Variants in GPHN observed in about 807,000 individuals in gnomAD.
GPHN encodes gephyrin.
Under a neutral mutation model 95.5 loss-of-function variants are expected in GPHN, and 17 were observed. That is an observed-to-expected ratio of 0.18 (90% CI 0.12 to 0.27). The LOEUF (loss-of-function observed/expected upper bound fraction) is 0.27. Ranked by LOEUF, GPHN falls within the 10% of genes least tolerant of loss-of-function variation. The probability of loss-of-function intolerance (pLI) is 1.00; values close to 1 mark genes in which losing one functional copy is unlikely to be tolerated. For synonymous variants in GPHN, 320 were observed against 322.5 expected (o/e 0.99, Z 0.08); for missense variants, 660 against 978.1 (o/e 0.67, Z 4.34).
At chr14:66,545,377 C>T (rs1323474685) in intron 1 of GPHN, among the ~76,000 whole-genome samples, 23 of 137,700 alleles carry the variant, frequency 1.7e-4, no homozygotes, top group African/African-American at 4.3e-4. Flanking sequence ...ACTGGCCAGG[C>T]GGGGGGCTGA....
intron 12 of GPHN, among the ~76,000 whole-genome samples, chr14:67,091,105 T>C (rs1467690521): frequency 6.6e-6 from 1 of 151,970 alleles, no homozygotes; most frequent in Non-Finnish European, 1.5e-5. Context: ...TCATTTTCTG[T>C]GTAAATAAAA....
At chr14:67,485,277 C>G in the GPHN span, among the ~76,000 whole-genome samples, 1 of 152,198 alleles carries the variant, frequency 6.6e-6, no homozygotes, top group Admixed American at 6.5e-5. Context: ...CCCCAACTCC[C>G]CTCCTACAGT....
At chr14:67,331,219 A>G in the GPHN span, among the ~76,000 whole-genome samples, 1 of 151,794 alleles carries the variant, frequency 6.6e-6, no homozygotes, top group Non-Finnish European at 1.5e-5. Flanking sequence ...TATTTTTTGT[A>G]TTTTTAATAG....
the GPHN span, among the ~76,000 whole-genome samples, chr14:67,656,060 A>C: frequency 6.6e-5 from 10 of 152,178 alleles, no homozygotes; most frequent in Admixed American, 1.3e-4. Flanking sequence ...AGCCTGGCCA[A>C]CATGGCGAAA....
intron 10 of GPHN, among the ~76,000 whole-genome samples, chr14:67,054,726 T>C (rs769555690): frequency 2.0e-5 from 3 of 151,952 alleles, no homozygotes; most frequent in Non-Finnish European, 2.9e-5. Flanking sequence ...GTAACCAAAA[T>C]AGATGGTAGT....
chr14:67,702,947 G>A, the GPHN span, among the ~76,000 whole-genome samples: 1 of 152,072 alleles, frequency 6.6e-6, no homozygotes, highest in Admixed American at 6.5e-5. Context: ...CTGAGTACCT[G>A]GGACTACAGG....
rs570719516 is a variant in GPHN at position 66,817,063 on chromosome 14, C to T, written c.202-7411C>T. On this transcript the variant is annotated intron_variant, in intron 3 of 22. Transcript: ENST00000478722. ...TATTTATAAATACATGTAGTATTTC[C>T]GAAAGTTTTCTTAAAAAGGGTATAC... 1.1e-4 allele frequency among the ~76,000 whole-genome samples: 17 copies of T among 151,856 alleles called. No homozygotes were observed. The South Asian group carries it at 2.5e-3, about 22-fold the overall frequency.
At chr14:66,698,361 A>G (rs1316354366) in intron 2 of GPHN, among the ~76,000 whole-genome samples, 1 of 152,192 alleles carries the variant, frequency 6.6e-6, no homozygotes, top group Non-Finnish European at 1.5e-5. Flanking sequence ...GTGAAATTAC[A>G]GAATTCATAG....
At chr14:66,833,993 G>A (rs2061688766) in intron 4 of GPHN, among the ~76,000 whole-genome samples, 2 of 152,072 alleles carry the variant, frequency 1.3e-5, no homozygotes, top group African/African-American at 2.4e-5. Context: ...CATCATTCCA[G>A]CCTGAACATT....
chr14:67,431,715 C>T, the GPHN span, among the ~76,000 whole-genome samples: 1 of 151,972 alleles, frequency 6.6e-6, no homozygotes. Flanking sequence ...GCAGCAGCAG[C>T]AGACCAAAAC....
chr14:66,784,042 C>A (rs2059692146), intron 3 of GPHN, among the ~76,000 whole-genome samples: 1 of 152,082 alleles, frequency 6.6e-6, no homozygotes, highest in Non-Finnish European at 1.5e-5. Context: ...TCTACAGACA[C>A]CAACACAAAG....
the GPHN span, among the ~76,000 whole-genome samples, chr14:67,689,450 G>GCTTT: frequency 1.3e-5 from 2 of 152,084 alleles, no homozygotes; most frequent in African/African-American, 4.8e-5. Flanking sequence ...CTTATTTGAT[G>GCTTT]CTTTGCAAGG....
chr14:67,551,021 T>A, the GPHN span, among the ~76,000 whole-genome samples: 9 of 152,332 alleles, frequency 5.9e-5, 1 homozygote, highest in African/African-American at 2.2e-4. Flanking sequence ...AGCCTAAATA[T>A]CCTACATGTA....
intron 9 of GPHN, among the ~76,000 whole-genome samples, chr14:66,995,918 C>T (rs1007393888): frequency 1.3e-5 from 2 of 152,138 alleles, no homozygotes; most frequent in Non-Finnish European, 2.9e-5. Context: ...AGGATCTTCT[C>T]AGCAAGATCA....
chr14:67,313,635 ATAGAG>A, the GPHN span, among the ~76,000 whole-genome samples: 1 of 152,198 alleles, frequency 6.6e-6, no homozygotes, highest in African/African-American at 2.4e-5. Flanking sequence ...AAATAGGGAT[ATAGAG>A]TAAAGGGATA....
intron 8 of GPHN, among the ~76,000 whole-genome samples, chr14:66,963,394 C>T (rs1450538839): frequency 6.6e-6 from 1 of 151,998 alleles, no homozygotes; most frequent in Non-Finnish European, 1.5e-5. Flanking sequence ...GCAGTTGCTT[C>T]ATTAGATATT....
the GPHN span, chr14:67,582,184 C>T: frequency 6.2e-7 from 1 of 1,613,630 alleles, no homozygotes; most frequent in South Asian, 1.1e-5. This position sits in a 1 kb window ranked among gnomAD's most constrained non-coding sequence, Gnocchi z 5.0. Context: ...GGAATTGGCT[C>T]TTGAGATGGC....
chr14:67,365,219 A>G, the GPHN span, among the ~76,000 whole-genome samples: 1 of 152,248 alleles, frequency 6.6e-6, no homozygotes, highest in Non-Finnish European at 1.5e-5. Context: ...CTAGGATTTT[A>G]TGGATCAGAT....
chr14:67,358,322 T>TA, the GPHN span, among the ~76,000 whole-genome samples: 115 of 152,236 alleles, frequency 7.6e-4, no homozygotes, highest in African/African-American at 2.6e-3. Context: ...CAGGTGAAGG[T>TA]AAAAAATTTA....
Sources: gnomAD v4.1 joint callset for allele counts (sites outside exome capture counted in the v4.1 genomes callset) on GRCh38, gnomAD v4.1.1 for gene constraint, Gnocchi (gnomAD v3.1) non-coding constraint, MANE v1.5 for transcripts, NCBI Gene and HGNC (gene_info 2026-07-23, HGNC 2026-07-21) for gene names.